ATP11C: variants seen among roughly 807,000 people sequenced by gnomAD.
ATP11C encodes ATPase phospholipid transporting 11C (ATP11C blood group).
ATP11C carries 36 observed loss-of-function variants against 97.4 expected under a neutral mutation model. That is an observed-to-expected ratio of 0.37 (90% CI 0.28 to 0.49). The LOEUF (loss-of-function observed/expected upper bound fraction) is 0.49. ATP11C is among the 20% of genes least tolerant of loss of function. The probability of loss-of-function intolerance (pLI) is 0.98; values close to 1 mark genes in which losing one functional copy is unlikely to be tolerated. For synonymous variants in ATP11C, 275 were observed against 290.9 expected, an observed-to-expected ratio of 0.95 and a Z score of 0.56; for missense variants, 730 against 824.6, an observed-to-expected ratio of 0.89 and a Z score of 1.40.
intron 6 of ATP11C, 55 bp downstream of exon 6, chrX:139,804,416 T>C (rs942874650): frequency 5.4e-5 from 56 of 1,027,888 alleles, no homozygotes; most frequent in Non-Finnish European, 6.8e-5. Context: ...GGAGGCAGTA[T>C]TGTATGATTA....
At chrX:139,826,654 A>G (rs778938172) in intron 2 of ATP11C, 50 bp downstream of exon 2, 1 of 1,100,315 alleles carries the variant, frequency 9.1e-7, no homozygotes, top group Non-Finnish European at 1.2e-6. Flanking sequence ...ATTAGAATGC[A>G]TTATCTGATT....
intron 1 of ATP11C, among the ~76,000 whole-genome samples, chrX:139,898,149 G>A (rs1171442154): frequency 1.8e-5 from 2 of 111,067 alleles, no homozygotes; most frequent in African/African-American, 6.6e-5. Flanking sequence ...GACACATGCT[G>A]TATATTATTT....
intron 19 of ATP11C, among the ~76,000 whole-genome samples, chrX:139,771,175 C>T (rs2082246979): frequency 9.0e-6 from 1 of 111,394 alleles, no homozygotes; most frequent in South Asian, 3.8e-4. Context: ...CTTTCCTGTG[C>T]TGTTCTCGTG....
At chrX:139,781,331 T>A (rs765682185) in intron 18 of ATP11C, among the ~76,000 whole-genome samples, 41 of 112,505 alleles carry the variant, frequency 3.6e-4, no homozygotes, top group African/African-American at 1.3e-3. Context: ...ATATTAAGAA[T>A]TTAAAACTTA....
rs1302132620 is a variant in ATP11C, at chrX:139,727,635, T to TA, written c.*1330dup. 1.9e-5 allele frequency: 2 copies of TA among 107,784 alleles called. No individual in the cohort carries two copies. Among genetic ancestry groups the TA allele is most frequent in the Non-Finnish European group, 1.9e-5 (1 of 51,705 alleles). The allele number at this position is 107,784 out of a possible 1,213,427, so 8.9% of individuals were successfully genotyped here. On this transcript the variant is annotated 3_prime_UTR_variant, in exon 30 of 30. Transcript: ENST00000682941. The stretch of plus-strand genomic sequence containing the variant: ...CCAAATCAAGGTACAATATAAACAT[T>TA]AATAATAGTACAGGCATGCCAGAAA...
intron 27 of ATP11C, among the ~76,000 whole-genome samples, chrX:139,739,751 ATTAGT>A (rs2081517699): frequency 9.0e-6 from 1 of 111,494 alleles, no homozygotes; most frequent in African/African-American, 3.3e-5. Context: ...ATTTTGCATA[ATTAGT>A]TCAGATGCTG....
chrX:139,753,506 G>T (rs775519980), intron 23 of ATP11C, among the ~76,000 whole-genome samples: 1 of 111,549 alleles, frequency 9.0e-6, no homozygotes, highest in African/African-American at 3.3e-5. Context: ...CTAAACACCC[G>T]CATCAAAAAG....
chrX:139,757,914 A>T (rs2081969322), intron 22 of ATP11C, 47 bp from the exon 23 acceptor site: 11 of 855,944 alleles, frequency 1.3e-5, no homozygotes, highest in Non-Finnish European at 1.7e-5. Flanking sequence ...CACTTAATCA[A>T]CTTGCTAAAC....
At chrX:139,760,175 G>C (rs2082008174) in intron 22 of ATP11C, among the ~76,000 whole-genome samples, 1 of 112,049 alleles carries the variant, frequency 8.9e-6, no homozygotes, top group Admixed American at 9.4e-5. Context: ...CCATCTCTCT[G>C]AGCTCTACTT....
intron 6 of ATP11C, among the ~76,000 whole-genome samples, chrX:139,803,685 CTTTTTTTTTTTTTTT>C (rs140315105): frequency 9.7e-4 from 37 of 38,263 alleles, no homozygotes; most frequent in African/African-American, 3.6e-3. Flanking sequence ...TACACCCTAT[CTTTTTTTTTTTTTTT>C]TTTTTTTTTT....
At chrX:139,783,023 C>A in intron 17 of ATP11C, 141 bp downstream of exon 17, 1 of 469,523 alleles carries the variant, frequency 2.1e-6, no homozygotes, top group South Asian at 5.8e-5. Context: ...GTAATATTAT[C>A]AAATCCCCAA....
Position 139,803,293 on chromosome X carries a change from T to A in ATP11C, c.556-954A>T, listed in dbSNP as rs780412825. On this transcript the variant is annotated intron_variant, in intron 6 of 29. Coordinates refer to ENST00000682941, the MANE Select transcript of ATP11C (RefSeq NM_001353812.2). ...ATTATAACTTTGTTTTTGAAAAGGTTAAAAGCAGGTCATTACCATGCTTTT... is the reference window on the plus strand; with the variant it reads ...ATTATAACTTTGTTTTTGAAAAGGTAAAAAGCAGGTCATTACCATGCTTTT... 1.9e-4 allele frequency among the ~76,000 whole-genome samples: 21 copies of A among 112,299 alleles called. No individual in the cohort carries two copies. The South Asian group carries it at 6.3e-3, about 34-fold the overall frequency.
At chrX:139,882,609 G>A (rs1049985224) in intron 1 of ATP11C, among the ~76,000 whole-genome samples, 17 of 111,206 alleles carry the variant, frequency 1.5e-4, no homozygotes, top group Admixed American at 6.7e-4. Context: ...CTGCACTGCC[G>A]TCTGGAAACC....
In ATP11C at chrX:139,829,786, T is replaced by A. The variant is rs772823395; in HGVS notation, c.28-2963A>T. On this transcript the variant is annotated intron_variant, in intron 1 of 29. Transcript: ENST00000682941. The stretch of plus-strand genomic sequence containing the variant: ...AGAGAAAGCAATGTAAATTTCTTTC[T>A]CAAGATAAAAATCAACCTTTTGTAC... Among the ~76,000 whole-genome samples, 19 of 111,573 alleles carry A rather than the reference T, an allele frequency of 1.7e-4. No homozygotes were observed. In the South Asian group the frequency reaches 5.6e-3, roughly 33 times the overall value.
chrX:139,734,265 G>C (rs2081400435), intron 28 of ATP11C, among the ~76,000 whole-genome samples: 1 of 109,243 alleles, frequency 9.2e-6, no homozygotes, highest in African/African-American at 3.3e-5. Flanking sequence ...TGCTTTCTCT[G>C]GGACTTTGGC....
At chrX:139,741,127 G>T (rs200448452) in intron 26 of ATP11C, 33 bp from the exon 27 acceptor site, 4 of 938,078 alleles carry the variant, frequency 4.3e-6, no homozygotes, top group Non-Finnish European at 6.2e-6. Flanking sequence ...ATTTCACGAC[G>T]GTTACGAATT....
intron 1 of ATP11C, among the ~76,000 whole-genome samples, chrX:139,895,754 T>C (rs1010775232): frequency 2.7e-5 from 3 of 111,993 alleles, no homozygotes; most frequent in Non-Finnish European, 5.6e-5. Context: ...TAGACGCATC[T>C]AAACACAGTG....
At chrX:139,879,648 T>C (rs964324653) in intron 1 of ATP11C, among the ~76,000 whole-genome samples, 1 of 112,115 alleles carries the variant, frequency 8.9e-6, no homozygotes, top group Non-Finnish European at 1.9e-5. Flanking sequence ...ACACAATATA[T>C]ATGTATATCA....
chrX:139,806,662 C>G (rs772720179), intron 5 of ATP11C, among the ~76,000 whole-genome samples: 1 of 111,606 alleles, frequency 9.0e-6, no homozygotes, highest in African/African-American at 3.3e-5. Context: ...AGACCACAAC[C>G]ATTCACCAGC....
Sources: allele counts gnomAD v4.1 joint callset (sites outside exome capture counted in the v4.1 genomes callset), GRCh38; gene constraint gnomAD v4.1.1; transcripts MANE v1.5; gene names NCBI Gene and HGNC (gene_info 2026-07-23, HGNC 2026-07-21).